EPB41L3: variants seen among roughly 807,000 people sequenced by gnomAD.
The protein encoded by EPB41L3 is erythrocyte membrane protein band 4.1 like 3.
A neutral mutation model predicts 127.1 loss-of-function variants in EPB41L3; 57 were observed. The observed-to-expected ratio is 0.45, with a 90% CI of 0.36 to 0.56. The LOEUF (loss-of-function observed/expected upper bound fraction) is 0.56. Ranked by LOEUF, EPB41L3 falls within the 20% of genes least tolerant of loss-of-function variation. The pLI is 0.00. For synonymous variants in EPB41L3, 572 were observed against 549.5 expected (o/e 1.04, Z -0.57); for missense variants, 1,273 against 1,372.2 (o/e 0.93, Z 1.14).
intron 3 of EPB41L3, among the ~76,000 whole-genome samples, chr18:5,460,420 T>A (rs865783478): frequency 6.6e-6 from 1 of 152,182 alleles, no homozygotes; most frequent in African/African-American, 2.4e-5. Context: ...TCCAGTTTTA[T>A]CCATACCAAA....
intron 16 of EPB41L3, among the ~76,000 whole-genome samples, chr18:5,402,530 AAC>A (rs1475109631): frequency 1.3e-5 from 2 of 152,292 alleles, no homozygotes; most frequent in East Asian, 3.9e-4. Context: ...TGAAAATATT[AAC>A]AGTGTCTACA....
Position 5,601,148 on chromosome 18 carries a change from G to A in EPB41L3, c.-306+11192C>T, listed in dbSNP as rs115027779. ...AGGCATTTGAAGACGTTGGGAGGGGGAAGGGCTTCTGAACTGAACAAATCA... is the reference window on the plus strand; with the variant it reads ...AGGCATTTGAAGACGTTGGGAGGGGAAAGGGCTTCTGAACTGAACAAATCA... On this transcript the variant is annotated intron_variant, in intron 3 of 21. Coordinates refer to the EPB41L3 transcript ENST00000545076. Among the ~76,000 whole-genome samples, 350 of 152,270 alleles carry A rather than the reference G, an allele frequency of 2.3e-3. 1 individual carries two copies. Among genetic ancestry groups the A allele is most frequent in the African/African-American group, 7.4e-3 (309 of 41,544 alleles).
At chr18:5,529,520 G>C (rs770961810) in intron 1 of EPB41L3, among the ~76,000 whole-genome samples, 1 of 152,098 alleles carries the variant, frequency 6.6e-6, no homozygotes, top group Non-Finnish European at 1.5e-5. Flanking sequence ...CAGTGCACAA[G>C]CTTGGAAAAC....
chr18:5,493,995 TCTCA>T (rs773662835), intron 1 of EPB41L3, among the ~76,000 whole-genome samples: 3 of 152,170 alleles, frequency 2.0e-5, no homozygotes, highest in Non-Finnish European at 4.4e-5. Context: ...TACAAATCCA[TCTCA>T]CTCTTTAAAT....
rs75436918 is a variant in EPB41L3, at chr18:5,573,346, T to C, written c.-306+38994A>G. On this transcript the variant is annotated intron_variant, in intron 3 of 21. Coordinates refer to the EPB41L3 transcript ENST00000545076. ...CAGCTTCATTAGAAAACAAAACACA[T>C]GAGGAATTTTAAAAAATTGCCTTGG... Among the ~76,000 whole-genome samples, 711 of 152,292 alleles carry C rather than the reference T, an allele frequency of 4.7e-3. 7 individuals carry two copies. Among genetic ancestry groups the C allele is most frequent in the African/African-American group, 0.016 (670 of 41,558 alleles).
intron 8 of EPB41L3, among the ~76,000 whole-genome samples, chr18:5,429,785 G>A (rs1335403360): frequency 6.6e-6 from 1 of 152,176 alleles, no homozygotes; most frequent in Admixed American, 6.5e-5. Context: ...TCAAAGACTG[G>A]AAACTGCCCA....
chr18:5,495,719 C>T (rs554030376), intron 1 of EPB41L3, among the ~76,000 whole-genome samples: 5 of 152,276 alleles, frequency 3.3e-5, no homozygotes, highest in South Asian at 2.1e-4. Flanking sequence ...TAAATAAGAG[C>T]GCAGGGAGGC....
At chr18:5,406,334 A>G (rs2075380929) in intron 16 of EPB41L3, among the ~76,000 whole-genome samples, 1 of 152,218 alleles carries the variant, frequency 6.6e-6, no homozygotes, top group African/African-American at 2.4e-5. Context: ...TTGTTATATC[A>G]ATAAAAGCCT....
rs1450102853 is a variant in EPB41L3 at position 5,472,726 on chromosome 18, C to T, written c.381+5515G>A. On this transcript the variant is annotated intron_variant, in intron 3 of 22. Coordinates refer to ENST00000341928, the MANE Select transcript of EPB41L3 (RefSeq NM_012307.5). ...GTTGGAAAAAATTTAATCATGTAAC[C>T]TATAGAAGTTGGAAGGCTACGATGT... is the stretch of plus-strand genomic sequence containing the variant. Among the ~76,000 whole-genome samples, 5 of 152,232 alleles carry T rather than the reference C, an allele frequency of 3.3e-5. No homozygotes were observed. The South Asian group carries it at 8.3e-4, about 25-fold the overall frequency.
intron 16 of EPB41L3, chr18:5,398,924 C>G (rs752924839): frequency 2.5e-6 from 1 of 399,090 alleles, no homozygotes; most frequent in East Asian, 3.6e-5. Context: ...TGATGGGGGC[C>G]AGGGATTCGG....
chr18:5,514,635 CAA>C (rs2092680259), intron 1 of EPB41L3, among the ~76,000 whole-genome samples: 2 of 152,160 alleles, frequency 1.3e-5, no homozygotes, highest in South Asian at 4.1e-4. Context: ...TACAGAGAAA[CAA>C]TATATTTTCA....
rs189765482 is a variant in EPB41L3, at chr18:5,592,804, C to G, written c.-306+19536G>C. On this transcript the variant is annotated intron_variant, in intron 3 of 21. Coordinates refer to the EPB41L3 transcript ENST00000545076. Reference sequence around the variant, plus strand: ...CTGCAACTGTGCATCATCTTAGGGACCTGTGGGGGCCTGGAAAGTCAGATC... The same window carrying G: ...CTGCAACTGTGCATCATCTTAGGGAGCTGTGGGGGCCTGGAAAGTCAGATC... Among the ~76,000 whole-genome samples, 151 of 152,274 alleles carry G rather than the reference C, an allele frequency of 9.9e-4. 1 individual carries two copies. The highest frequency in any genetic ancestry group is 3.5e-3 in the African/African-American group (147 of 41,540).
intron 1 of EPB41L3, among the ~76,000 whole-genome samples, chr18:5,500,263 GAGA>G (rs2091622015): frequency 6.6e-6 from 1 of 152,152 alleles, no homozygotes; most frequent in African/African-American, 2.4e-5. Context: ...ATTCTATTCA[GAGA>G]AGAACTTATT....
intron 1 of EPB41L3, among the ~76,000 whole-genome samples, chr18:5,500,956 T>C (rs1047189859): frequency 6.6e-6 from 1 of 152,236 alleles, no homozygotes; most frequent in East Asian, 1.9e-4. Flanking sequence ...CTAGTCACTG[T>C]AAGAACGTGT....
chr18:5,607,967 T>A (rs2094680759), intron 3 of EPB41L3, among the ~76,000 whole-genome samples: 2 of 152,190 alleles, frequency 1.3e-5, no homozygotes, highest in African/African-American at 4.8e-5. Flanking sequence ...AATATTTCAA[T>A]GGATATGACT....
chr18:5,439,527 A>ACCAT (rs1449184641), intron 5 of EPB41L3, among the ~76,000 whole-genome samples: 2 of 152,180 alleles, frequency 1.3e-5, no homozygotes, highest in Non-Finnish European at 2.9e-5. Context: ...TCTTAACACT[A>ACCAT]CCATTGACAT....
Position 5,397,559 on chromosome 18 carries a change from T to C in EPB41L3, c.2473-133A>G, listed in dbSNP as rs938386129. 9.0e-5 allele frequency: 101 copies of C among 1,119,406 alleles called. No individual in the cohort carries two copies. The highest frequency in any genetic ancestry group is 3.1e-4 in the Middle Eastern group (1 of 3,198). 69.3% of individuals were successfully genotyped at this position (1,119,406 alleles called of 1,614,324 possible). On this transcript the variant is annotated intron_variant, in intron 17 of 22. Coordinates refer to ENST00000341928, the MANE Select transcript of EPB41L3 (RefSeq NM_012307.5). This position sits in a 1 kb window ranked among gnomAD's most constrained non-coding sequence, Gnocchi z 4.1. ...TATAACCAGAAACACTGACGAAAAA[T>C]ATAAATTAGCTTTCATTTCTCCCAC...
At chr18:5,473,688 T>C (rs547434089) in intron 3 of EPB41L3, among the ~76,000 whole-genome samples, 1 of 152,116 alleles carries the variant, frequency 6.6e-6, no homozygotes, top group Non-Finnish European at 1.5e-5. Flanking sequence ...ACAGAGATAT[T>C]TTTATTTATT....
intron 3 of EPB41L3, among the ~76,000 whole-genome samples, chr18:5,554,218 G>C (rs2094003276): frequency 6.6e-6 from 1 of 152,076 alleles, no homozygotes; most frequent in African/African-American, 2.4e-5. Flanking sequence ...TATTTATCAT[G>C]TTTATTGTCT....
Sources: gnomAD v4.1 joint callset for allele counts (sites outside exome capture counted in the v4.1 genomes callset) on GRCh38, gnomAD v4.1.1 for gene constraint, Gnocchi (gnomAD v3.1) non-coding constraint, MANE v1.5 for transcripts, NCBI Gene and HGNC (gene_info 2026-07-23, HGNC 2026-07-21) for gene names.